Variants in ZNF362 observed in about 807,000 individuals in gnomAD.
The protein encoded by ZNF362 is rotund homolog.
Under a neutral mutation model 42.9 loss-of-function variants are expected in ZNF362, and 11 were observed. The ratio of observed to expected loss-of-function variants is 0.26; its 90% CI spans 0.16 to 0.42. ZNF362 has a LOEUF of 0.42. ZNF362 is among the 20% of genes least tolerant of loss of function. The pLI is 1.00. For synonymous variants in ZNF362, 255 were observed against 257.3 expected, an observed-to-expected ratio of 0.99 and a Z score of 0.09; for missense variants, 362 against 576.2, an observed-to-expected ratio of 0.63 and a Z score of 3.81.
the ZNF362 span, among the ~76,000 whole-genome samples, chr1:33,244,071 T>C: frequency 6.6e-6 from 1 of 152,206 alleles, no homozygotes; most frequent in Non-Finnish European, 1.5e-5. This position sits in a 1 kb window ranked among gnomAD's most constrained non-coding sequence, Gnocchi z 4.0. Context: ...GAGGTTCCCC[T>C]GTGTAATCAC....
the ZNF362 span, among the ~76,000 whole-genome samples, chr1:33,176,877 G>A: frequency 6.6e-6 from 1 of 152,210 alleles, no homozygotes; most frequent in Non-Finnish European, 1.5e-5. Flanking sequence ...GGTAATGCAA[G>A]AAAAGCCCTT....
the ZNF362 span, among the ~76,000 whole-genome samples, chr1:33,227,525 G>A: frequency 1.3e-5 from 2 of 152,202 alleles, no homozygotes; most frequent in African/African-American, 4.8e-5. Flanking sequence ...AGCCAGACGT[G>A]TGAGTGAAGG....
At chr1:33,165,185 C>T in the ZNF362 span, 1 of 321,402 alleles carries the variant, frequency 3.1e-6, no homozygotes, top group Non-Finnish European at 5.8e-6. This position sits in a 1 kb window ranked among gnomAD's most constrained non-coding sequence, Gnocchi z 4.0. Context: ...CCGGGACCCG[C>T]CTCAACTTCC....
chr1:33,282,188 A>G lies in ZNF362; in HGVS notation c.908+377A>G, dbSNP rs557337409. Among the ~76,000 whole-genome samples, 10 of 152,296 alleles carry G rather than the reference A, an allele frequency of 6.6e-5. No homozygotes were observed. The East Asian group carries it at 1.9e-3, about 29-fold the overall frequency. On this transcript the variant is annotated intron_variant, in intron 6 of 8. Transcript: ENST00000539719. ...GGGCTCTGTGCATGTCCATCATAGC[A>G]GTGGTAGGCTGTCACGCCCGTGTCT... is the stretch of plus-strand genomic sequence containing the variant.
At chr1:33,283,324 G>A (rs1248155920) in intron 6 of ZNF362, among the ~76,000 whole-genome samples, 1 of 151,950 alleles carries the variant, frequency 6.6e-6, no homozygotes, top group East Asian at 1.9e-4. Flanking sequence ...TATCTCCATT[G>A]TCTTTGAATC....
chr1:33,176,433 A>G, the ZNF362 span: 4 of 698,156 alleles, frequency 5.7e-6, no homozygotes, highest in African/African-American at 7.0e-5. Flanking sequence ...AGGCTGATCC[A>G]CTGCTGTCTT....
chr1:33,181,301 C>T, the ZNF362 span: 1 of 1,554,614 alleles, frequency 6.4e-7, no homozygotes, highest in South Asian at 1.2e-5. This position sits in a 1 kb window ranked among gnomAD's most constrained non-coding sequence, Gnocchi z 6.5. Flanking sequence ...GGGCGCCCTG[C>T]GCCTCCTGCC....
chr1:33,254,011 A>G (rs1645772897), upstream of ZNF362, among the ~76,000 whole-genome samples: 1 of 152,228 alleles, frequency 6.6e-6, no homozygotes, highest in East Asian at 1.9e-4. Flanking sequence ...ACTATTTGTT[A>G]CGATTTGTTA....
chr1:33,267,811 C>T (rs570963262), intron 1 of ZNF362, among the ~76,000 whole-genome samples: 193 of 152,276 alleles, frequency 1.3e-3, no homozygotes, highest in Non-Finnish European at 2.2e-3. Context: ...AAACCACTGA[C>T]GCAAACAGCT....
the ZNF362 span, among the ~76,000 whole-genome samples, chr1:33,133,317 C>T: frequency 1.3e-5 from 2 of 152,246 alleles, no homozygotes; most frequent in African/African-American, 4.8e-5. Flanking sequence ...AGGAGAGTTT[C>T]TCTTTTTAAT....
chr1:33,282,479 C>G (rs1646002758), intron 6 of ZNF362, among the ~76,000 whole-genome samples: 1 of 152,158 alleles, frequency 6.6e-6, no homozygotes, highest in Admixed American at 6.5e-5. Context: ...GTGGGGCATA[C>G]AGTCTAGTTG....
At chr1:33,185,560 C>T in the ZNF362 span, among the ~76,000 whole-genome samples, 7 of 152,092 alleles carry the variant, frequency 4.6e-5, no homozygotes, top group African/African-American at 1.7e-4. Flanking sequence ...AGTGTTCAGT[C>T]CTTTTATCCT....
At chr1:33,258,593 G>A (rs1645809255) in intron 1 of ZNF362, among the ~76,000 whole-genome samples, 1 of 152,108 alleles carries the variant, frequency 6.6e-6, no homozygotes, top group Non-Finnish European at 1.5e-5. Flanking sequence ...AGGAGACTGA[G>A]ACCGGGACCT....
At chr1:33,187,070 G>A in the ZNF362 span, among the ~76,000 whole-genome samples, 1 of 152,082 alleles carries the variant, frequency 6.6e-6, no homozygotes. Context: ...GGGAAACTCT[G>A]GGAAATGGTA....
intron 6 of ZNF362, among the ~76,000 whole-genome samples, chr1:33,293,165 C>T (rs1043970995): frequency 1.3e-5 from 2 of 152,162 alleles, no homozygotes; most frequent in African/African-American, 2.4e-5. Context: ...CGGGAGATTC[C>T]GCAGAGCCCC....
At chr1:33,177,466 G>C in the ZNF362 span, among the ~76,000 whole-genome samples, 1 of 152,146 alleles carries the variant, frequency 6.6e-6, no homozygotes, top group Admixed American at 6.5e-5. The surrounding 1 kb of genome is among the most constrained non-coding windows in gnomAD (Gnocchi z 4.1). Flanking sequence ...AGCATGTCAG[G>C]ATCTGACCCC....
chr1:33,290,264 C>T (rs555882837), intron 6 of ZNF362, among the ~76,000 whole-genome samples: 10 of 152,246 alleles, frequency 6.6e-5, no homozygotes, highest in Admixed American at 3.3e-4. Context: ...CTTCCTGCAT[C>T]GAAGTGTTTT....
At chr1:33,136,112 G>GCCCT in the ZNF362 span, among the ~76,000 whole-genome samples, 30 of 136,258 alleles carry the variant, frequency 2.2e-4, no homozygotes, top group South Asian at 5.0e-3. Context: ...CCAGGGGCCA[G>GCCCT]CCCTTCCTTC....
At chr1:33,220,962 G>A in the ZNF362 span, among the ~76,000 whole-genome samples, 2 of 152,186 alleles carry the variant, frequency 1.3e-5, no homozygotes, top group East Asian at 1.9e-4. Flanking sequence ...GTGGAAGGGT[G>A]TGGCCCATCA....
Sources: allele counts gnomAD v4.1 joint callset (sites outside exome capture counted in the v4.1 genomes callset), GRCh38; gene constraint gnomAD v4.1.1; non-coding constraint Gnocchi (gnomAD v3.1); transcripts MANE v1.5; gene names NCBI Gene and HGNC (gene_info 2026-07-23, HGNC 2026-07-21).